Variants in PDZD9 observed in about 807,000 individuals in gnomAD.
The protein encoded by PDZD9 is PDZ domain-containing protein 9.
In PDZD9, 13 loss-of-function variants were observed where a neutral mutation model predicts 16.3. The observed-to-expected ratio is 0.80, with a 90% CI of 0.52 to 1.27. The LOEUF is 1.27. Ranked by LOEUF, PDZD9 falls within the 50% of genes most tolerant of loss-of-function variation. PDZD9 has a pLI of 0.00. For missense variants in PDZD9, 288 were observed against 310.9 expected (o/e 0.93, Z 0.55); for synonymous variants, 120 against 111.0 (o/e 1.08, Z -0.51).
chr16:21,994,401 G>T (rs928670369), intron 2 of PDZD9, among the ~76,000 whole-genome samples: 1 of 152,206 alleles, frequency 6.6e-6, no homozygotes, highest in Admixed American at 6.5e-5. Flanking sequence ...AGCCCATTCT[G>T]CCTCCCCAAC....
At chr16:21,979,828 C>A (rs1197936393), downstream of PDZD9, among the ~76,000 whole-genome samples, 2 of 152,122 alleles carry the variant, frequency 1.3e-5, no homozygotes, top group Non-Finnish European at 2.9e-5. Context: ...CCCTAATAAT[C>A]TTAACGGGAC....
chr16:21,985,805 C>T (rs1368244386), intron 3 of PDZD9, among the ~76,000 whole-genome samples: 1 of 152,138 alleles, frequency 6.6e-6, no homozygotes, highest in Non-Finnish European at 1.5e-5. Context: ...ATGGCTTTTC[C>T]AAAAGTTTAT....
intron 3 of PDZD9, among the ~76,000 whole-genome samples, chr16:21,987,124 C>CA (rs749686480): frequency 6.6e-6 from 1 of 152,042 alleles, no homozygotes; most frequent in Non-Finnish European, 1.5e-5. Context: ...ATTTGCATTA[C>CA]AAAAAGATCA....
chr16:21,967,872 A>G, the PDZD9 span, among the ~76,000 whole-genome samples: 1 of 152,310 alleles, frequency 6.6e-6, no homozygotes, highest in African/African-American at 2.4e-5. Flanking sequence ...TAGAATGTTA[A>G]TAGTGCTTCA....
Position 22,000,883 on chromosome 16 carries a change from A to G in PDZD9, c.31+134T>C, listed in dbSNP as rs1045583080. 12 of 759,188 alleles carry G rather than the reference A, an allele frequency of 1.6e-5. No homozygotes were observed. In the African/African-American group the frequency reaches 2.1e-4, roughly 13 times the overall value. The allele number at this position is 759,188 out of a possible 1,614,324, so 47.0% of individuals were successfully genotyped here. On this transcript the variant is annotated intron_variant, in intron 1 of 3. Coordinates refer to ENST00000424898, the MANE Select transcript of PDZD9 (RefSeq NM_001363519.1). ...GATGATGATGATGATGATAATGATG[A>G]TGATGATAACAACAACGATGGAGAG... is the stretch of plus-strand genomic sequence containing the variant.
At chr16:21,975,619 A>C in the PDZD9 span, among the ~76,000 whole-genome samples, 1 of 152,212 alleles carries the variant, frequency 6.6e-6, no homozygotes, top group African/African-American at 2.4e-5. Flanking sequence ...ATACCATACA[A>C]GGATTCAGAT....
At chr16:21,981,726 G>A (rs2141950487), downstream of PDZD9, among the ~76,000 whole-genome samples, 1 of 152,058 alleles carries the variant, frequency 6.6e-6, no homozygotes, top group Middle Eastern at 3.4e-3. Context: ...TCATGCCACT[G>A]TACTCCAGGC....
At position 21,999,588 on chromosome 16, in the gene PDZD9, A is replaced by G. The variant is rs1383377115; in HGVS notation, c.31+1429T>C. 4 of 152,300 alleles carry G rather than the reference A, an allele frequency of 2.6e-5. No homozygotes were observed. The East Asian group carries it at 5.8e-4, about 22-fold the overall frequency. The allele number at this position is 152,300 out of a possible 1,614,324, so 9.4% of individuals were successfully genotyped here. A position where few individuals can be genotyped will look rare whatever the true frequency, so the allele number is the denominator to read the frequency against. On this transcript the variant is annotated intron_variant, in intron 1 of 3. Transcript: ENST00000424898. The stretch of plus-strand genomic sequence containing the variant: ...CCTGCCTAGTTCAGCCTCTTTGCCA[A>G]CCTCAAGTCTTATCAAATCCTGATG...
downstream of PDZD9, chr16:21,983,300 A>G (rs57855359): frequency 2.6e-4 from 196 of 744,036 alleles, no homozygotes; most frequent in East Asian, 5.2e-3. Flanking sequence ...GCATAAATGC[A>G]GGTAATTATT....
the PDZD9 span, chr16:21,976,192 T>C: frequency 1.2e-6 from 2 of 1,614,046 alleles, no homozygotes; most frequent in Non-Finnish European, 1.7e-6. Context: ...TATAATCAAG[T>C]AAAAACAATA....
the PDZD9 span, among the ~76,000 whole-genome samples, chr16:21,964,537 C>T: frequency 6.6e-6 from 1 of 152,192 alleles, no homozygotes; most frequent in Non-Finnish European, 1.5e-5. Context: ...AGCTGCAATT[C>T]CCATTTGAAT....
the PDZD9 span, chr16:21,976,316 A>G: frequency 2.4e-6 from 3 of 1,268,488 alleles, no homozygotes; most frequent in Non-Finnish European, 3.4e-6. Context: ...TTATAACAAT[A>G]TTACAATCTA....
chr16:21,961,381 G>A, the PDZD9 span: 3 of 427,408 alleles, frequency 7.0e-6, no homozygotes, highest in Non-Finnish European at 9.5e-6. Context: ...CAGCCATTAC[G>A]GAATGAACTA....
chr16:21,973,066 C>T, the PDZD9 span, among the ~76,000 whole-genome samples: 1 of 152,194 alleles, frequency 6.6e-6, no homozygotes, highest in Non-Finnish European at 1.5e-5. Flanking sequence ...TGCCACTGCA[C>T]TCCAGCCTGG....
At chr16:21,997,511 G>A (rs1452388167) in intron 1 of PDZD9, among the ~76,000 whole-genome samples, 2 of 152,196 alleles carry the variant, frequency 1.3e-5, no homozygotes, top group African/African-American at 4.8e-5. Context: ...AGTGAGTAAA[G>A]CTGGACATGG....
downstream of PDZD9, chr16:21,983,121 A>G (rs149279069): frequency 3.1e-6 from 5 of 1,614,044 alleles, no homozygotes; most frequent in African/African-American, 5.3e-5. Context: ...CCAGAAGTCA[A>G]TGGCAGCAAG....
chr16:21,958,203 A>G, the PDZD9 span, among the ~76,000 whole-genome samples: 1 of 152,220 alleles, frequency 6.6e-6, no homozygotes, highest in Admixed American at 6.5e-5. Context: ...ATGTTAGAGC[A>G]TAAGAAATCA....
the PDZD9 span, chr16:21,973,783 A>T: frequency 1.2e-6 from 1 of 840,132 alleles, no homozygotes; most frequent in Non-Finnish European, 1.9e-6. Context: ...GTAAAATATT[A>T]ATCTATTTTG....
chr16:21,986,441 G>C (rs546283655), intron 3 of PDZD9, among the ~76,000 whole-genome samples: 1 of 152,254 alleles, frequency 6.6e-6, no homozygotes, highest in African/African-American at 2.4e-5. Context: ...AAAATGCTTA[G>C]AACATAGTTG....
Sources: allele counts gnomAD v4.1 joint callset (sites outside exome capture counted in the v4.1 genomes callset), GRCh38; gene constraint gnomAD v4.1.1; transcripts MANE v1.5; gene names NCBI Gene and HGNC (gene_info 2026-07-23, HGNC 2026-07-21).